The following MC2R variants were observed in gnomAD, a reference collection of about 807,000 sequenced individuals.
The protein encoded by MC2R is melanocortin 2 receptor, also known as adrenocorticotropic hormone receptor.
MC2R carries 9 observed loss-of-function variants against 9.8 expected under a neutral mutation model. The observed-to-expected ratio is 0.92, with a 90% CI of 0.55 to 1.60. The LOEUF (loss-of-function observed/expected upper bound fraction) is 1.60. Among genes scored for constraint, MC2R ranks in the 40% most tolerant of loss-of-function variants. The pLI is 0.00. For missense variants in MC2R, 370 were observed against 389.0 expected (o/e 0.95, Z 0.41); for synonymous variants, 185 against 154.7 (o/e 1.20, Z -1.45).
chr18:13,905,483 TAA>T (rs34841761), intron 1 of MC2R, among the ~76,000 whole-genome samples: 53 of 141,994 alleles, frequency 3.7e-4, no homozygotes, highest in East Asian at 8.4e-4. Flanking sequence ...AGACTCCCTC[TAA>T]AAAAAAAAAA....
intron 1 of MC2R, 90 bp from the exon 2 acceptor site, chr18:13,885,736 A>C: frequency 1.8e-6 from 1 of 566,912 alleles, no homozygotes; most frequent in East Asian, 3.1e-5. Flanking sequence ...TATTCCCTCC[A>C]TAAAATATAA....
At chr18:13,904,838 T>A (rs553517831) in intron 1 of MC2R, among the ~76,000 whole-genome samples, 1 of 152,288 alleles carries the variant, frequency 6.6e-6, no homozygotes, top group African/African-American at 2.4e-5. Flanking sequence ...GAAAAGTGGC[T>A]AGCCATATGC....
At position 13,884,647 on chromosome 18, in the gene MC2R, A is replaced by T. The variant is rs759943594; in HGVS notation, c.872T>A (p.Ile291Asn). 1.9e-6 allele frequency: 3 copies of T among 1,613,284 alleles called. No homozygotes were observed. The Admixed American group carries it at 5.0e-5, about 27-fold the overall frequency. Residue 291 changes from isoleucine (I) to asparagine (N), a missense_variant, in exon 2 of 2, where the codon ATC (isoleucine) becomes AAC (asparagine). Physicochemically the swap from Ile to Asn is moderately radical, Grantham distance 149 (BLOSUM62 -3). Transcript: ENST00000327606. ...PELRDAFKKM[I>N]FCSRYW ...ATTCTACCAGTACCTGCTGCAGAAG[A>T]TCATCTTTTTGAATGCGTCCCTGAG...
At chr18:13,899,658 A>C (rs1396551902) in intron 1 of MC2R, among the ~76,000 whole-genome samples, 1 of 152,196 alleles carries the variant, frequency 6.6e-6, no homozygotes, top group Non-Finnish European at 1.5e-5. Context: ...CACCTGGCTC[A>C]AACTTTTCAG....
At chr18:13,906,417 C>T (rs1300933594) in intron 1 of MC2R, among the ~76,000 whole-genome samples, 1 of 151,832 alleles carries the variant, frequency 6.6e-6, no homozygotes. Context: ...CAACACACAC[C>T]AGGGCCTGTT....
At chr18:13,900,080 T>C (rs2045369848) in intron 1 of MC2R, among the ~76,000 whole-genome samples, 1 of 152,050 alleles carries the variant, frequency 6.6e-6, no homozygotes, top group African/African-American at 2.4e-5. Context: ...CAAAAATATG[T>C]ATAGAAACAA....
At chr18:13,904,624 C>T (rs199666186) in intron 1 of MC2R, among the ~76,000 whole-genome samples, 5 of 150,834 alleles carry the variant, frequency 3.3e-5, no homozygotes, top group Admixed American at 3.3e-4. Context: ...TACTACAAGG[C>T]TACAGTAACC....
chr18:13,904,511 C>A (rs1276517643), intron 1 of MC2R, among the ~76,000 whole-genome samples: 1 of 151,952 alleles, frequency 6.6e-6, no homozygotes, highest in Non-Finnish European at 1.5e-5. Flanking sequence ...CCCACTTTTA[C>A]CACTTTCGTT....
intron 1 of MC2R, among the ~76,000 whole-genome samples, chr18:13,890,329 C>G (rs1039924687): frequency 5.9e-5 from 9 of 152,206 alleles, no homozygotes; most frequent in Non-Finnish European, 1.3e-4. Flanking sequence ...TGCCGCTTTC[C>G]TCTGCGCTGC....
intron 1 of MC2R, among the ~76,000 whole-genome samples, chr18:13,886,275 T>C (rs996667644): frequency 3.9e-5 from 6 of 152,252 alleles, no homozygotes; most frequent in African/African-American, 1.4e-4. Context: ...GCCCTCATCT[T>C]AAGCACTTTG....
At chr18:13,905,202 C>A (rs1456195133) in intron 1 of MC2R, among the ~76,000 whole-genome samples, 1 of 152,086 alleles carries the variant, frequency 6.6e-6, no homozygotes, top group Non-Finnish European at 1.5e-5. Context: ...AAAAAAACAA[C>A]CCCACCAAAA....
rs886053639 is a variant in MC2R at position 13,883,627 on chromosome 18, A to ACACACT, written c.*997_*998insAGTGTG. The ACACACT allele has an allele frequency of 4.7e-4, 25 of 53,194 alleles. No homozygotes were observed. Among genetic ancestry groups the ACACACT allele is most frequent in the Non-Finnish European group, 9.0e-4 (20 of 22,328 alleles). The allele number at this position is 53,194 out of a possible 1,614,324, so 3.3% of individuals were successfully genotyped here. On this transcript the variant is annotated 3_prime_UTR_variant, in exon 2 of 2. Coordinates refer to ENST00000327606, the MANE Select transcript of MC2R (RefSeq NM_000529.2). ...CACACACACACACACACACACACAC[A>ACACACT]CTCTCTCTCTCTCTCTCTCTCTCTC...
chr18:13,885,390 C>G lies in MC2R; in HGVS notation c.129G>C (p.Leu43=), dbSNP rs1182667699. Residue 43 remains leucine (L), a synonymous_variant, in exon 2 of 2, where the codon CTG becomes CTC. Transcript: ENST00000327606. ...TCTTGAACACAGCCAGCAGGACGAT[C>G]AGATTCTCCAAAACTCCAACAATGG... ...TISIVGVLEN[L]IVLLAVFKNK... is the part of the protein sequence containing the mutation. 3.1e-6 allele frequency: 5 copies of G among 1,613,984 alleles called. No individual in the cohort carries two copies. The African/African-American group carries it at 6.7e-5, about 22-fold the overall frequency.
intron 1 of MC2R, among the ~76,000 whole-genome samples, chr18:13,893,212 A>G (rs954099083): frequency 1.3e-5 from 2 of 148,896 alleles, no homozygotes; most frequent in African/African-American, 2.6e-5. Flanking sequence ...CCGGAAGTTT[A>G]TATGTCTGCA....
At chr18:13,897,266 A>G (rs2045351340) in intron 1 of MC2R, among the ~76,000 whole-genome samples, 1 of 152,158 alleles carries the variant, frequency 6.6e-6, no homozygotes, top group Admixed American at 6.5e-5. Flanking sequence ...TAGAATAGAA[A>G]AGATAACCAG....
At chr18:13,887,185 C>T (rs2045281586) in intron 1 of MC2R, among the ~76,000 whole-genome samples, 1 of 140,100 alleles carries the variant, frequency 7.1e-6, no homozygotes, top group South Asian at 2.3e-4. Context: ...GAGGGGAAGC[C>T]TGTGTGCTGT....
chr18:13,914,904 C>T (rs1353573708), intron 1 of MC2R, among the ~76,000 whole-genome samples: 2 of 152,194 alleles, frequency 1.3e-5, no homozygotes, highest in Non-Finnish European at 2.9e-5. Context: ...TATTGTTTAT[C>T]CTGCACCCCG....
At chr18:13,903,528 C>T (rs1196664264) in intron 1 of MC2R, among the ~76,000 whole-genome samples, 1 of 152,124 alleles carries the variant, frequency 6.6e-6, no homozygotes, top group Non-Finnish European at 1.5e-5. Flanking sequence ...TAATGAGATC[C>T]TGTCATTTGC....
chr18:13,904,787 G>A (rs1598467499), intron 1 of MC2R, among the ~76,000 whole-genome samples: 1 of 152,112 alleles, frequency 6.6e-6, no homozygotes, highest in East Asian at 1.9e-4. Flanking sequence ...ACAAAAACAA[G>A]CAAGGGGAAA....
Sources: gnomAD v4.1 joint callset for allele counts (sites outside exome capture counted in the v4.1 genomes callset) on GRCh38, gnomAD v4.1.1 for gene constraint, MANE v1.5 for transcripts, NCBI Gene and HGNC (gene_info 2026-07-23, HGNC 2026-07-21) for gene names.